Variants in LRRC4C observed in about 807,000 individuals in gnomAD.
The protein encoded by LRRC4C is leucine-rich repeat-containing protein 4C.
Under a neutral mutation model 33.6 loss-of-function variants are expected in LRRC4C, and 5 were observed. The observed-to-expected ratio is 0.15, with a 90% CI of 0.08 to 0.31. The LOEUF is 0.31. LRRC4C is among the 10% of genes least tolerant of loss of function. The pLI, the probability that LRRC4C is intolerant of heterozygous loss-of-function variation, is 1.00. For synonymous variants in LRRC4C, 329 were observed against 302.0 expected, an observed-to-expected ratio of 1.09 and a Z score of -0.93; for missense variants, 560 against 796.7, an observed-to-expected ratio of 0.70 and a Z score of 3.58.
intron 2 of LRRC4C, among the ~76,000 whole-genome samples, chr11:40,760,832 T>C (rs933962401): frequency 1.4e-5 from 2 of 146,766 alleles, no homozygotes; most frequent in Non-Finnish European, 3.0e-5. Context: ...CATATATTTA[T>C]ATATATATAC....
At chr11:41,024,070 C>T (rs560995541) in intron 1 of LRRC4C, among the ~76,000 whole-genome samples, 67 of 151,566 alleles carry the variant, frequency 4.4e-4, no homozygotes, top group African/African-American at 1.5e-3. Context: ...TTGCTTGTGA[C>T]TACCTTATCA....
Position 40,115,600 on chromosome 11 carries a change from T to C in LRRC4C, c.693A>G (p.Leu231=), listed in dbSNP as rs748750365. ...GGAAAGAGCCAGGCCTGATGGCAGA[T>C]AAATGATTCCCAGAAAGATCCAGCT... ...LDELDLSGNH[L]SAIRPGSFQG... The change falls in exon 7 of 7, where the codon TTA becomes TTG. Residue 231 remains leucine, a synonymous_variant. Transcript: ENST00000528697. This position sits in a 1 kb window ranked among gnomAD's most constrained non-coding sequence, Gnocchi z 6.7. 2 of 1,614,080 alleles carry C rather than the reference T, an allele frequency of 1.2e-6. No individual in the cohort carries two copies. The highest frequency in any genetic ancestry group is 2.7e-5 in the African/African-American group (2 of 74,938).
chr11:40,659,359 G>A (rs1248302828), intron 2 of LRRC4C, among the ~76,000 whole-genome samples: 1 of 152,162 alleles, frequency 6.6e-6, no homozygotes, highest in Non-Finnish European at 1.5e-5. Context: ...AGGCAGATAG[G>A]TTCCCAGGCA....
chr11:40,214,144 C>T lies in LRRC4C; in HGVS notation c.-96+27375G>A, dbSNP rs80116199. Among the ~76,000 whole-genome samples, 930 of 152,208 alleles carry T rather than the reference C, an allele frequency of 6.1e-3. 6 individuals carry two copies. The highest frequency in any genetic ancestry group is 0.021 in the African/African-American group (880 of 41,504). ...CCTGCCATGTTAGCTTCTGATTAACCGCAGTTCTGGGAAGGCCTTTGAAAT... is the reference window on the plus strand; with the variant it reads ...CCTGCCATGTTAGCTTCTGATTAACTGCAGTTCTGGGAAGGCCTTTGAAAT... On this transcript the variant is annotated intron_variant, in intron 5 of 6. Coordinates refer to ENST00000528697, the MANE Select transcript of LRRC4C (RefSeq NM_001258419.2).
chr11:40,185,843 A>T (rs147963183), intron 5 of LRRC4C, among the ~76,000 whole-genome samples: 3,670 of 152,172 alleles, frequency 0.024, 74 homozygotes, highest in Middle Eastern at 0.075. Flanking sequence ...TCTCAGAAAG[A>T]TGCAACGTCC....
At chr11:41,451,882 T>TA (rs912469342) in intron 1 of LRRC4C, among the ~76,000 whole-genome samples, 1 of 151,422 alleles carries the variant, frequency 6.6e-6, no homozygotes, top group African/African-American at 2.4e-5. Context: ...GAGAGTAGAG[T>TA]TTTTTCCTTG....
intron 3 of LRRC4C, among the ~76,000 whole-genome samples, chr11:40,594,619 T>TA (rs531430178): frequency 2.6e-5 from 4 of 152,212 alleles, no homozygotes; most frequent in South Asian, 4.1e-4. Context: ...TCCTATTTTT[T>TA]AAAAAAATAG....
At chr11:40,240,382 G>A (rs531879825) in intron 5 of LRRC4C, among the ~76,000 whole-genome samples, 1 of 152,196 alleles carries the variant, frequency 6.6e-6, no homozygotes, top group Non-Finnish European at 1.5e-5. Context: ...GTTTGAAGAC[G>A]CAGACAGCTT....
At chr11:40,555,667 A>G (rs536134112) in intron 3 of LRRC4C, among the ~76,000 whole-genome samples, 5 of 152,328 alleles carry the variant, frequency 3.3e-5, no homozygotes, top group Non-Finnish European at 5.9e-5. Flanking sequence ...CACATAAAAT[A>G]TACTAACACT....
At chr11:40,703,714 T>C (rs1591507640) in intron 2 of LRRC4C, among the ~76,000 whole-genome samples, 1 of 152,322 alleles carries the variant, frequency 6.6e-6, no homozygotes, top group Admixed American at 6.5e-5. Context: ...CTACTAGTCA[T>C]GGTGACTTAG....
chr11:41,329,923 A>G (rs1951241011), intron 1 of LRRC4C, among the ~76,000 whole-genome samples: 1 of 152,242 alleles, frequency 6.6e-6, no homozygotes, highest in Admixed American at 6.5e-5. Flanking sequence ...CAGACATATC[A>G]TTATCTAACA....
chr11:40,567,467 A>G (rs1170998242), intron 3 of LRRC4C, among the ~76,000 whole-genome samples: 1 of 152,170 alleles, frequency 6.6e-6, no homozygotes, highest in Non-Finnish European at 1.5e-5. Flanking sequence ...TAATTGCTCC[A>G]TTTTATAGCT....
At chr11:41,185,047 T>C (rs2136178619) in intron 1 of LRRC4C, among the ~76,000 whole-genome samples, 1 of 152,194 alleles carries the variant, frequency 6.6e-6, no homozygotes, top group African/African-American at 2.4e-5. Context: ...CCCACTCCCA[T>C]GATTCAATTA....
intron 1 of LRRC4C, among the ~76,000 whole-genome samples, chr11:41,033,357 A>G (rs1212327310): frequency 6.6e-6 from 1 of 152,080 alleles, no homozygotes; most frequent in Non-Finnish European, 1.5e-5. Context: ...TAGTCAATAT[A>G]AAAGAAACGG....
chr11:40,485,042 C>T (rs1213752927), intron 3 of LRRC4C, among the ~76,000 whole-genome samples: 3 of 152,042 alleles, frequency 2.0e-5, no homozygotes, highest in Non-Finnish European at 4.4e-5. Context: ...TTCTTGATTA[C>T]TCTAAGTGGG....
chr11:41,422,558 C>A (rs765661783), intron 1 of LRRC4C, among the ~76,000 whole-genome samples: 1 of 151,978 alleles, frequency 6.6e-6, no homozygotes, highest in Non-Finnish European at 1.5e-5. Flanking sequence ...GATGGAAGGA[C>A]CTGAGTCTTT....
At chr11:40,527,394 C>G (rs958619249) in intron 3 of LRRC4C, among the ~76,000 whole-genome samples, 5 of 152,006 alleles carry the variant, frequency 3.3e-5, no homozygotes, top group African/African-American at 4.8e-5. Flanking sequence ...ATAGAGGAAA[C>G]AGTTGAATGG....
At chr11:40,209,756 A>G (rs1251003717) in intron 5 of LRRC4C, among the ~76,000 whole-genome samples, 1 of 152,192 alleles carries the variant, frequency 6.6e-6, no homozygotes, top group Non-Finnish European at 1.5e-5. Context: ...TTCAACAACA[A>G]AAACGCTTTG....
At chr11:41,002,194 T>C (rs147564811) in intron 1 of LRRC4C, among the ~76,000 whole-genome samples, 29 of 152,294 alleles carry the variant, frequency 1.9e-4, no homozygotes, top group Admixed American at 4.6e-4. Flanking sequence ...AGACCTCTGA[T>C]GGAGTCTCAT....
Sources: allele counts gnomAD v4.1 joint callset (sites outside exome capture counted in the v4.1 genomes callset), GRCh38; gene constraint gnomAD v4.1.1; non-coding constraint Gnocchi (gnomAD v3.1); transcripts MANE v1.5; gene names NCBI Gene and HGNC (gene_info 2026-07-23, HGNC 2026-07-21).